The following SRCAP variants were observed in gnomAD, a reference collection of about 807,000 sequenced individuals.
SRCAP encodes the protein chromatin remodeling protein SRCAP.
Under a neutral mutation model 263.1 loss-of-function variants are expected in SRCAP, and 46 were observed. That is an observed-to-expected ratio of 0.17 (90% CI 0.14 to 0.22). The LOEUF (loss-of-function observed/expected upper bound fraction) is 0.22. SRCAP is among the 10% of genes least tolerant of loss of function. SRCAP has a pLI of 1.00. For missense variants in SRCAP, 3,695 were observed against 4,181.9 expected (o/e 0.88, Z 3.21); for synonymous variants, 1,813 against 1,662.1 (o/e 1.09, Z -2.21).
chr16:30,712,452 G>T lies in SRCAP; in HGVS notation c.1993+13G>T. 1 of 1,555,406 alleles carries T rather than the reference G, an allele frequency of 6.4e-7. No homozygotes were observed. The highest frequency in any genetic ancestry group is 1.2e-5 in the South Asian group (1 of 82,432). On this transcript the variant is annotated intron_variant, in intron 13 of 33. Transcript: ENST00000262518. Reference sequence around the variant, plus strand: ...GCTTGTGAGAAAGGTAAGTAGGCAAGGCCCCTTCTTTTGTTCCCCCTAGTC... The same window carrying T: ...GCTTGTGAGAAAGGTAAGTAGGCAATGCCCCTTCTTTTGTTCCCCCTAGTC...
chr16:30,718,193 G>GT lies in SRCAP; in HGVS notation c.2817+1714_2817+1715insT, dbSNP rs550142103. ...TAGTTTTAATTTTTTTTTGGGTGGG[G>GT]GGGGCAGAGTTCTGCTCTTGTTGCC... On this transcript the variant is annotated intron_variant, in intron 18 of 33. Transcript: ENST00000262518. 3.0e-3 allele frequency among the ~76,000 whole-genome samples: 451 copies of GT among 151,834 alleles called. 2 individuals are homozygous for GT. Among genetic ancestry groups the GT allele is most frequent in the African/African-American group, 0.011 (437 of 41,444 alleles).
intron 3 of SRCAP, among the ~76,000 whole-genome samples, chr16:30,701,636 C>CTTT (rs35698444): frequency 7.3e-6 from 1 of 136,754 alleles, no homozygotes; most frequent in African/African-American, 2.8e-5. Flanking sequence ...TTTTTCTTTT[C>CTTT]TTTTTTTTTT....
rs372720918 is a variant in SRCAP, at chr16:30,738,061, C to T, written c.8021C>T (p.Ser2674Leu). Residue 2674 changes from serine (S) to leucine (L), a missense_variant, in exon 34 of 34, where the codon TCG (serine) becomes TTG (leucine). By Grantham distance (145) the Ser-to-Leu change is moderately radical. This residue lies in a region of SRCAP where 1,207 missense variants were observed against 1,142.9 expected (regional missense o/e 1.06). Coordinates refer to ENST00000262518, the MANE Select transcript of SRCAP (RefSeq NM_006662.3). ...LQEPLEADRTSEELTEAKTPT... is the reference protein window; with the variant it reads ...LQEPLEADRTLEELTEAKTPT... ...GAGCCACTGGAGGCTGACAGGACCT[C>T]GGAAGAGCTGACAGAGGCCAAGACC... 14 of 1,614,144 alleles carry T rather than the reference C, an allele frequency of 8.7e-6. No homozygotes were observed. Among genetic ancestry groups the T allele is most frequent in the East Asian group, 2.2e-5 (1 of 44,896 alleles).
At position 30,716,383 on chromosome 16, in the gene SRCAP, C is replaced by G; in HGVS notation, c.2721C>G (p.Phe907Leu). 1 of 1,614,148 alleles carries G rather than the reference C, an allele frequency of 6.2e-7. No homozygotes were observed. Among genetic ancestry groups the G allele is most frequent in the Non-Finnish European group, 8.5e-7 (1 of 1,180,032 alleles). ...LRKVCNHPNL[F>L]DPRPVTSPFI... ...AAGTTTGCAATCATCCAAATCTGTT[C>G]GACCCTCGACCGGTTACCTCCCCTT... The change falls in exon 18 of 34, where the codon TTC becomes TTG. Residue 907 changes from phenylalanine to leucine, a missense_variant. Transcript: ENST00000262518.
At position 30,734,621 on chromosome 16, in the gene SRCAP, A is replaced by G. The variant is rs2053142248; in HGVS notation, c.6729+6A>G. On this transcript the variant is annotated splice_donor_region_variant and intron_variant, in intron 31 of 33. Transcript: ENST00000262518. ...AGACTCATATTCTGGAGCAGGTAAA[A>G]AAAGAGTGGGCAGTTCGTAAAGTTG... The G allele has an allele frequency of 1.9e-6, 3 of 1,614,082 alleles. No homozygotes were observed. The African/African-American group carries it at 4.0e-5, about 22-fold the overall frequency.
intron 16 of SRCAP, among the ~76,000 whole-genome samples, chr16:30,715,132 T>TTTAAA (rs2052934242): frequency 1.3e-5 from 2 of 152,376 alleles, no homozygotes; most frequent in Admixed American, 1.3e-4. Context: ...TTGACCTGTA[T>TTTAAA]TTAAATTTCT....
intron 18 of SRCAP, among the ~76,000 whole-genome samples, chr16:30,717,033 C>T (rs1009622566): frequency 6.6e-6 from 1 of 152,162 alleles, no homozygotes; most frequent in Non-Finnish European, 1.5e-5. Context: ...CCACTGTTTT[C>T]CATAGTAGCT....
rs777735502 is a variant in SRCAP, at chr16:30,733,275, T to C, written c.6128-5T>C. ...AGCTCCCTGTATCCCTTCATATCTC[T>C]TTAGGAAAGTTGCAGACGTTGGCAG... is the stretch of plus-strand genomic sequence containing the variant. On this transcript the variant is annotated splice_polypyrimidine_tract_variant and splice_region_variant and intron_variant, in intron 27 of 33. Transcript: ENST00000262518. This position sits in a 1 kb window ranked among gnomAD's most constrained non-coding sequence, Gnocchi z 5.3. The C allele has an allele frequency of 6.2e-7, 1 of 1,613,350 alleles. No individual in the cohort carries two copies. The highest frequency in any genetic ancestry group is 1.1e-5 in the South Asian group (1 of 91,072).
intron 3 of SRCAP, among the ~76,000 whole-genome samples, chr16:30,701,952 C>CTTT (rs1390062542): frequency 0.021 from 2,904 of 139,456 alleles, 92 homozygotes; most frequent in African/African-American, 0.072. Context: ...TTCTTTCTTT[C>CTTT]TTTTTTTTTT....
intron 18 of SRCAP, among the ~76,000 whole-genome samples, chr16:30,717,561 C>T (rs111395501): frequency 0.032 from 4,758 of 150,222 alleles, 232 homozygotes; most frequent in African/African-American, 0.11. Context: ...GTCCTCCCGC[C>T]TCAGCCTTCC....
Position 30,712,819 on chromosome 16 carries a change from C to A in SRCAP, c.2130+4C>A. On this transcript the variant is annotated splice_donor_region_variant and intron_variant, in intron 14 of 33. Transcript: ENST00000262518. ...AGAGAGGAAGCTCAAGCGGCAGGTTCGATGTTTCATGTGGTCACTTTCCTC... is the reference window on the plus strand; with the variant it reads ...AGAGAGGAAGCTCAAGCGGCAGGTTAGATGTTTCATGTGGTCACTTTCCTC... 1 of 1,614,016 alleles carries A rather than the reference C, an allele frequency of 6.2e-7. No homozygotes were observed. The highest frequency in any genetic ancestry group is 8.5e-7 in the Non-Finnish European group (1 of 1,179,974).
Position 30,733,187 on chromosome 16 carries a change from A to G in SRCAP, c.6128-93A>G. 4 of 1,433,684 alleles carry G rather than the reference A, an allele frequency of 2.8e-6. No individual in the cohort carries two copies. The highest frequency in any genetic ancestry group is 2.8e-6 in the Non-Finnish European group (3 of 1,056,054). 88.8% of individuals were successfully genotyped at this position (1,433,684 alleles called of 1,614,324 possible). On this transcript the variant is annotated intron_variant, in intron 27 of 33. Transcript: ENST00000262518. The surrounding 1 kb of genome is among the most constrained non-coding windows in gnomAD (Gnocchi z 5.3). ...GCTAATTGAAACTTTGGCTTAAAGC[A>G]TTGATTATCTTTCAACCCCAGCCTT...
chr16:30,737,570 T>G lies in SRCAP; in HGVS notation c.7530T>G (p.Ala2510=). 1.2e-6 allele frequency: 2 copies of G among 1,614,056 alleles called. No individual in the cohort carries two copies. The highest frequency in any genetic ancestry group is 1.7e-6 in the Non-Finnish European group (2 of 1,179,990). The change falls in exon 34 of 34, where the codon GCT becomes GCG. Residue 2510 remains alanine (A), a synonymous_variant. Transcript: ENST00000262518. The part of the protein sequence containing the change: ...TPPPACTPPP[A]HTPPPAQTCL... Reference sequence around the variant, plus strand: ...CTCCTGCCTGTACCCCTCCACCAGCTCATACACCGCCTCCAGCCCAAACCT... The same window carrying G: ...CTCCTGCCTGTACCCCTCCACCAGCGCATACACCGCCTCCAGCCCAAACCT...
At chr16:30,721,907 A>G (rs2053015297) in intron 21 of SRCAP, among the ~76,000 whole-genome samples, 2 of 152,200 alleles carry the variant, frequency 1.3e-5, no homozygotes, top group Admixed American at 1.3e-4. Context: ...TAGAGGATAT[A>G]AAAGAGATTG....
At chr16:30,716,559 G>A in intron 18 of SRCAP, 80 bp downstream of exon 18, 4 of 1,380,740 alleles carry the variant, frequency 2.9e-6, no homozygotes, top group Non-Finnish European at 3.9e-6. Flanking sequence ...TTAGACTGGG[G>A]TCTGACTTTT....
Position 30,723,914 on chromosome 16 carries a change from G to A in SRCAP, c.4490G>A (p.Gly1497Asp). 1 of 1,614,028 alleles carries A rather than the reference G, an allele frequency of 6.2e-7. No homozygotes were observed. The highest frequency in any genetic ancestry group is 8.5e-7 in the Non-Finnish European group (1 of 1,180,014). The change falls in exon 25 of 34, where the codon GGT becomes GAT. Residue 1497 changes from glycine to aspartate, a missense_variant. Physicochemically the swap from Gly to Asp is moderately conservative, Grantham distance 94. Coordinates refer to ENST00000262518, the MANE Select transcript of SRCAP (RefSeq NM_006662.3). ...APGPPSLAPS[G>D]ASPSASALTL... ...GGACCTCCCTCCTTGGCACCATCTG[G>A]TGCTTCCCCGTCAGCATCAGCCTTG...
rs765152833 is a variant in SRCAP, at chr16:30,720,893, C to T, written c.3168C>T (p.Ala1056=). The T allele has an allele frequency of 2.2e-5, 36 of 1,614,106 alleles. No individual in the cohort carries two copies. Among genetic ancestry groups the T allele is most frequent in the South Asian group, 3.3e-5 (3 of 91,072 alleles). The change falls in exon 20 of 34, where the codon GCC becomes GCT. Residue 1056 remains alanine, a synonymous_variant. Coordinates refer to ENST00000262518, the MANE Select transcript of SRCAP (RefSeq NM_006662.3). ...CACTGATGGTTTCAGCCTCACCTGC[C>T]GGGCCCCCGCTTATTCCTGCATCTC... ...PASLMVSASP[A]GPPLIPASRP... is the part of the protein sequence containing the mutation.
intron 18 of SRCAP, 26 bp from the exon 19 acceptor site, chr16:30,720,136 T>A: frequency 6.3e-7 from 1 of 1,596,512 alleles, no homozygotes; most frequent in Non-Finnish European, 8.6e-7. Flanking sequence ...TTCTTCTTTA[T>A]GACTGTGCTT....
Position 30,739,555 on chromosome 16 carries a change from C to T in SRCAP, c.9515C>T (p.Ser3172Phe). The T allele has an allele frequency of 6.2e-7, 1 of 1,609,460 alleles. No homozygotes were observed. ...GGGCCTGAGGGTTCAGTAGAGGAGT[C>T]TGAGGCTGAAGCCTCAGGTGAGGAG... ...PLGPEGSVEE[S>F]EAEASGEEEE... Residue 3172 changes from serine (S) to phenylalanine (F), a missense_variant, in exon 34 of 34, where the codon TCT becomes TTT. Physicochemically the swap from Ser to Phe is radical, Grantham distance 155. Transcript: ENST00000262518.
Sources: allele counts gnomAD v4.1 joint callset (sites outside exome capture counted in the v4.1 genomes callset), GRCh38; gene constraint gnomAD v4.1.1; regional missense constraint gnomAD v4.1.1; non-coding constraint Gnocchi (gnomAD v3.1); transcripts MANE v1.5; gene names NCBI Gene and HGNC (gene_info 2026-07-23, HGNC 2026-07-21).